The following KLRG2 variants were observed in gnomAD, a reference collection of about 807,000 sequenced individuals.
The protein encoded by KLRG2 is killer cell lectin-like receptor subfamily G member 2.
In KLRG2, 39 loss-of-function variants were observed where a neutral mutation model predicts 35.4. That is an observed-to-expected ratio of 1.10 (90% CI 0.85 to 1.44). KLRG2 has a LOEUF of 1.44. Among genes scored for constraint, KLRG2 ranks in the 40% most tolerant of loss-of-function variants. The pLI, the probability that KLRG2 is intolerant of heterozygous loss-of-function variation, is 0.00. For missense variants in KLRG2, 632 were observed against 570.9 expected (o/e 1.11, Z -1.09); for synonymous variants, 283 against 265.8 (o/e 1.06, Z -0.63).
chr7:139,444,383 C>T, the KLRG2 span, among the ~76,000 whole-genome samples: 59,098 of 151,720 alleles, frequency 0.39, 16,359 homozygotes, highest in African/African-American at 0.79. Flanking sequence ...GGTTTCACCA[C>T]GTTGGCCAGG....
At chr7:139,479,060 TA>T (rs923823399) in intron 3 of KLRG2, among the ~76,000 whole-genome samples, 19 of 151,604 alleles carry the variant, frequency 1.3e-4, no homozygotes, top group African/African-American at 2.9e-4. Context: ...CCCTGTCCCT[TA>T]AAAAAAAATT....
chr7:139,455,470 C>G (rs990170484), intron 3 of KLRG2, among the ~76,000 whole-genome samples: 2 of 151,908 alleles, frequency 1.3e-5, no homozygotes, highest in South Asian at 4.2e-4. Context: ...TACAGGCACC[C>G]GCCACCATGC....
At chr7:139,431,976 A>G in the KLRG2 span, among the ~76,000 whole-genome samples, 4 of 152,038 alleles carry the variant, frequency 2.6e-5, no homozygotes, top group East Asian at 5.8e-4. Context: ...TCTAATTTCT[A>G]TTTTTATCAA....
chr7:139,427,145 G>C, the KLRG2 span, among the ~76,000 whole-genome samples: 2 of 152,302 alleles, frequency 1.3e-5, no homozygotes, highest in South Asian at 4.1e-4. Context: ...GGAAAGGTTA[G>C]AGAGCTGAGA....
At chr7:139,430,940 G>A in the KLRG2 span, among the ~76,000 whole-genome samples, 5 of 151,634 alleles carry the variant, frequency 3.3e-5, no homozygotes, top group African/African-American at 1.2e-4. Context: ...ACCGGGGAGG[G>A]GGAGGTTGCA....
chr7:139,445,793 G>GTA, the KLRG2 span, among the ~76,000 whole-genome samples: 36 of 95,436 alleles, frequency 3.8e-4, no homozygotes, highest in African/African-American at 2.3e-3. Flanking sequence ...ATATATATAT[G>GTA]TGTGTATATA....
the KLRG2 span, among the ~76,000 whole-genome samples, chr7:139,444,338 G>A: frequency 4.0e-5 from 6 of 150,226 alleles, no homozygotes; most frequent in South Asian, 4.2e-4. Flanking sequence ...CCACCACCAC[G>A]CCTGGCTAAT....
intron 3 of KLRG2, among the ~76,000 whole-genome samples, chr7:139,460,100 G>A (rs1254861890): frequency 3.3e-5 from 5 of 152,098 alleles, no homozygotes; most frequent in Admixed American, 2.0e-4. Context: ...TGGCCAGGCC[G>A]GTCTCAAACT....
chr7:139,465,846 T>A (rs970048020), intron 3 of KLRG2, among the ~76,000 whole-genome samples: 2 of 152,124 alleles, frequency 1.3e-5, no homozygotes, highest in African/African-American at 4.8e-5. Flanking sequence ...CTATCCCTCA[T>A]GGCAGTTTTT....
In KLRG2 at chr7:139,483,600, C is replaced by T. The variant is rs1797013570; in HGVS notation, c.43G>A (p.Ala15Thr). The T allele has an allele frequency of 6.3e-7, 1 of 1,588,464 alleles. No homozygotes were observed. Among genetic ancestry groups the T allele is most frequent in the Non-Finnish European group, 8.5e-7 (1 of 1,175,246 alleles). Reference protein sequence around the residue: ...WEAAPGGQAGAELPMEPVGSL... With the variant: ...WEAAPGGQAGTELPMEPVGSL... Reference sequence around the variant, plus strand: ...CCCACGGGCTCCATTGGGAGCTCTGCCCCGGCTTGGCCTCCGGGCGCAGCC... The same window carrying T: ...CCCACGGGCTCCATTGGGAGCTCTGTCCCGGCTTGGCCTCCGGGCGCAGCC... The change falls in exon 1 of 5, where the codon GCA (alanine) becomes ACA (threonine). Residue 15 changes from alanine (A) to threonine (T), a missense_variant. Coordinates refer to ENST00000340940, the MANE Select transcript of KLRG2 (RefSeq NM_198508.4).
chr7:139,454,543 C>T lies in KLRG2; in HGVS notation c.1006-329G>A, dbSNP rs559294306. The stretch of plus-strand genomic sequence containing the variant: ...AGAAAGCGAGGGAGGTGGTCAGGCA[C>T]GGTGGCTCATGCCTGTAATCCCAGC... On this transcript the variant is annotated intron_variant, in intron 3 of 4. Coordinates refer to ENST00000340940, the MANE Select transcript of KLRG2 (RefSeq NM_198508.4). Among the ~76,000 whole-genome samples the T allele has an allele frequency of 2.0e-4, 31 of 152,038 alleles. No homozygotes were observed. In the South Asian group the frequency reaches 5.6e-3, roughly 27 times the overall value.
At chr7:139,444,072 C>T in the KLRG2 span, among the ~76,000 whole-genome samples, 29 of 152,306 alleles carry the variant, frequency 1.9e-4, no homozygotes, top group Non-Finnish European at 2.8e-4. Flanking sequence ...GCATCCAGCA[C>T]GGGAGAAAGA....
chr7:139,469,017 G>C (rs1379049016), intron 3 of KLRG2, among the ~76,000 whole-genome samples: 1 of 152,170 alleles, frequency 6.6e-6, no homozygotes, highest in Non-Finnish European at 1.5e-5. Flanking sequence ...AAGCCAAGGA[G>C]AGGCCTCTGG....
At chr7:139,441,471 G>A in the KLRG2 span, among the ~76,000 whole-genome samples, 3 of 152,014 alleles carry the variant, frequency 2.0e-5, no homozygotes, top group African/African-American at 7.2e-5. Flanking sequence ...GGGCCTGTTG[G>A]TGGGTGGGGG....
intron 3 of KLRG2, among the ~76,000 whole-genome samples, chr7:139,467,669 A>ACGAG (rs1356680369): frequency 6.2e-4 from 93 of 150,896 alleles, no homozygotes; most frequent in African/African-American, 2.2e-3. Context: ...CCACTCCCTA[A>ACGAG]TCTCAAGTAC....
At chr7:139,465,784 G>A (rs1180438843) in intron 3 of KLRG2, among the ~76,000 whole-genome samples, 1 of 151,972 alleles carries the variant, frequency 6.6e-6, no homozygotes, top group East Asian at 1.9e-4. Context: ...CATTGCTCAG[G>A]GCAATGCATA....
intron 3 of KLRG2, among the ~76,000 whole-genome samples, chr7:139,473,576 A>G (rs75402599): frequency 0.019 from 2,854 of 152,304 alleles, 80 homozygotes; most frequent in African/African-American, 0.065. Flanking sequence ...CTAACATGCA[A>G]AAGACAAACA....
At position 139,479,693 on chromosome 7, in the gene KLRG2, G is replaced by A. The variant is rs886694366; in HGVS notation, c.939C>T (p.Ala313=). ...AGCAGAAAGCCTGGCTGGCTTCCCA[G>A]GCCTGCGCTTCTGCAGAGAAGTAGT... ...HCYYFSAEAQ[A]WEASQAFCSA... is the part of the protein sequence containing the mutation. Residue 313 remains alanine, a synonymous_variant, in exon 3 of 5, where the codon GCC becomes GCT. Transcript: ENST00000340940. 1 of 1,613,894 alleles carries A rather than the reference G, an allele frequency of 6.2e-7. No individual in the cohort carries two copies. The highest frequency in any genetic ancestry group is 1.3e-5 in the African/African-American group (1 of 74,940).
intron 3 of KLRG2, among the ~76,000 whole-genome samples, chr7:139,468,300 T>G (rs1348542182): frequency 5.9e-5 from 9 of 152,138 alleles, no homozygotes; most frequent in Non-Finnish European, 1.0e-4. Context: ...TCTCTGTGTC[T>G]TTTTCTTTTC....
Sources: allele counts gnomAD v4.1 joint callset (sites outside exome capture counted in the v4.1 genomes callset), GRCh38; gene constraint gnomAD v4.1.1; transcripts MANE v1.5; gene names NCBI Gene and HGNC (gene_info 2026-07-23, HGNC 2026-07-21).